TPCN2: variants seen among roughly 807,000 people sequenced by gnomAD.
TPCN2 encodes two pore segment channel 2.
A neutral mutation model predicts 111.4 loss-of-function variants in TPCN2; 92 were observed. The observed-to-expected ratio is 0.83, with a 90% CI of 0.70 to 0.98. The LOEUF is 0.98. Among genes scored for constraint, TPCN2 ranks in the 50% least tolerant of loss-of-function variants. The probability of loss-of-function intolerance (pLI) is 0.00; values close to 1 mark genes in which losing one functional copy is unlikely to be tolerated. For missense variants in TPCN2, 995 were observed against 980.1 expected (o/e 1.02, Z -0.20); for synonymous variants, 405 against 414.5 (o/e 0.98, Z 0.28).
rs528730681 is a variant in TPCN2 at position 69,061,490 on chromosome 11, G to A, written c.547-1394G>A. On this transcript the variant is annotated intron_variant, in intron 5 of 24. Transcript: ENST00000294309. ...ATTTGAGATTGACAGGCGCCAAAGT[G>A]TAAACGAGATACTCAAGGGACTGAA... is the stretch of plus-strand genomic sequence containing the variant. Among the ~76,000 whole-genome samples the A allele has an allele frequency of 1.4e-4, 21 of 152,368 alleles. No individual in the cohort carries two copies. In the South Asian group the frequency reaches 4.4e-3, roughly 32 times the overall value.
At position 69,067,434 on chromosome 11, in the gene TPCN2, C is replaced by G. The variant is rs550794974; in HGVS notation, c.727-69C>G. 147 of 1,438,532 alleles carry G rather than the reference C, an allele frequency of 1.0e-4. 1 individual carries two copies. In the South Asian group the frequency reaches 1.5e-3, roughly 15 times the overall value. 89.1% of individuals were successfully genotyped at this position (1,438,532 alleles called of 1,614,324 possible). Reference sequence around the variant, plus strand: ...GTGGATGGTTCCAGCCGGTTGGGTCCGGGGCCTGGAGCTCAGCCTGTGGGG... The same window carrying G: ...GTGGATGGTTCCAGCCGGTTGGGTCGGGGGCCTGGAGCTCAGCCTGTGGGG... On this transcript the variant is annotated intron_variant, in intron 7 of 24. Transcript: ENST00000294309.
At chr11:69,067,402 G>T (rs891580352) in intron 7 of TPCN2, 101 bp from the exon 8 acceptor site, 31 of 1,054,132 alleles carry the variant, frequency 2.9e-5, no homozygotes, top group Non-Finnish European at 4.2e-5. Context: ...TGCAGGCTGG[G>T]CGGCGGGTGG....
At chr11:69,085,397 TC>T in intron 20 of TPCN2, 111 bp downstream of exon 20, 1 of 1,116,710 alleles carries the variant, frequency 9.0e-7, no homozygotes, top group Non-Finnish European at 1.4e-6. Context: ...GAGGGTGTTC[TC>T]CCAGTTCCTT....
At chr11:69,079,506 T>A (rs1302851712) in intron 16 of TPCN2, 3 of 307,424 alleles carry the variant, frequency 9.8e-6, no homozygotes, top group Non-Finnish European at 1.8e-5. Context: ...GAGAGTGACG[T>A]TTGCTGTAGC....
chr11:69,085,432 T>A, intron 20 of TPCN2, 146 bp downstream of exon 20: 1 of 854,548 alleles, frequency 1.2e-6, no homozygotes, highest in Non-Finnish European at 1.9e-6. Context: ...CACCCCCTTT[T>A]CCCGACCCCC....
intron 1 of TPCN2, among the ~76,000 whole-genome samples, chr11:69,051,737 G>A (rs930930447): frequency 6.6e-6 from 1 of 152,220 alleles, no homozygotes; most frequent in Non-Finnish European, 1.5e-5. Flanking sequence ...AGGGCGGGGC[G>A]AGCTGTCCCA....
At chr11:69,063,227 C>T (rs973691069) in intron 6 of TPCN2, among the ~76,000 whole-genome samples, 2 of 151,712 alleles carry the variant, frequency 1.3e-5, no homozygotes, top group Non-Finnish European at 2.9e-5. Flanking sequence ...GCAAACACCG[C>T]GGCCCCAGCT....
rs560997423 is a variant in TPCN2 at position 69,084,746 on chromosome 11, C to T, written c.1762-464C>T. On this transcript the variant is annotated intron_variant, in intron 19 of 24. Coordinates refer to ENST00000294309, the MANE Select transcript of TPCN2 (RefSeq NM_139075.4). ...GCTCTGGGCTGGACCCCAGCTGTGC[C>T]TCGCGCCTCTGGAAATAGACGCTGG... 5 of 985,448 alleles carry T rather than the reference C, an allele frequency of 5.1e-6. No individual in the cohort carries two copies. In the African/African-American group the frequency reaches 8.7e-5, roughly 17 times the overall value. 61.0% of individuals were successfully genotyped at this position (985,448 alleles called of 1,614,324 possible).
chr11:69,087,284 C>A, intron 24 of TPCN2, 78 bp downstream of exon 24: 1 of 1,286,928 alleles, frequency 7.8e-7, no homozygotes, highest in South Asian at 1.2e-5. Flanking sequence ...GGGGTTGAGG[C>A]GGCGGGCAGG....
chr11:69,085,436 G>A (rs1022721185), intron 20 of TPCN2, 150 bp downstream of exon 20: 8 of 841,764 alleles, frequency 9.5e-6, no homozygotes, highest in East Asian at 7.7e-5. Flanking sequence ...CCCTTTTCCC[G>A]ACCCCCAATT....
intron 4 of TPCN2, among the ~76,000 whole-genome samples, chr11:69,056,432 T>G (rs1034799439): frequency 1.3e-5 from 2 of 152,234 alleles, no homozygotes; most frequent in African/African-American, 2.4e-5. Flanking sequence ...GGCAAGAGGT[T>G]GTCATTAGCG....
At chr11:69,053,959 T>G in intron 1 of TPCN2, 74 bp from the exon 2 acceptor site, 5 of 1,327,640 alleles carry the variant, frequency 3.8e-6, no homozygotes, top group Non-Finnish European at 5.4e-6. Context: ...GCATCTTTCC[T>G]TGATCACGGG....
At chr11:69,080,268 G>A (rs578094418) in intron 17 of TPCN2, among the ~76,000 whole-genome samples, 68 of 152,358 alleles carry the variant, frequency 4.5e-4, no homozygotes, top group African/African-American at 1.5e-3. Flanking sequence ...TCTGCTGGCG[G>A]GAAGGTCCTT....
intron 18 of TPCN2, 62 bp from the exon 19 acceptor site, chr11:69,083,883 G>T: frequency 6.6e-7 from 1 of 1,519,054 alleles, no homozygotes; most frequent in Non-Finnish European, 9.1e-7. Context: ...GTGGTGGGCC[G>T]GGATGGTGTC....
In TPCN2 at chr11:69,071,814, C is replaced by A. The variant is rs559046267; in HGVS notation, c.961-109C>A. 1.0e-3 allele frequency: 1,040 copies of A among 1,025,872 alleles called. 1 individual carries two copies. The highest frequency in any genetic ancestry group is 1.1e-3 in the Non-Finnish European group (769 of 679,188). 63.5% of individuals were successfully genotyped at this position (1,025,872 alleles called of 1,614,324 possible). Reference sequence around the variant, plus strand: ...AGGCTGTGGGGAACTGGGCCCCCCCCCAAGGCTGCCCAGACTCCCCCTCTG... The same window carrying A: ...AGGCTGTGGGGAACTGGGCCCCCCCACAAGGCTGCCCAGACTCCCCCTCTG... On this transcript the variant is annotated intron_variant, in intron 10 of 24. Transcript: ENST00000294309.
chr11:69,083,023 A>C (rs1228357843), intron 18 of TPCN2, among the ~76,000 whole-genome samples: 17 of 127,492 alleles, frequency 1.3e-4, no homozygotes, highest in Non-Finnish European at 1.9e-4. Flanking sequence ...CACACATCGC[A>C]TGCAGATATC....
chr11:69,076,777 C>G (rs1422746548), intron 13 of TPCN2, among the ~76,000 whole-genome samples: 2 of 42,512 alleles, frequency 4.7e-5, no homozygotes, highest in Non-Finnish European at 1.0e-4. Flanking sequence ...GCCCTCCTGC[C>G]GTGTCCCTCC....
At chr11:69,087,007 C>T in intron 23 of TPCN2, 105 bp from the exon 24 acceptor site, 2 of 918,974 alleles carry the variant, frequency 2.2e-6, no homozygotes, top group Non-Finnish European at 3.4e-6. Flanking sequence ...AATGGCTCAG[C>T]CCCCTCAGCG....
At chr11:69,086,979 G>A in intron 23 of TPCN2, 133 bp from the exon 24 acceptor site, 2 of 716,870 alleles carry the variant, frequency 2.8e-6, no homozygotes. Flanking sequence ...TGGGGCCTGT[G>A]CCTGGGTGTC....
Sources: gnomAD v4.1 joint callset for allele counts (sites outside exome capture counted in the v4.1 genomes callset) on GRCh38, gnomAD v4.1.1 for gene constraint, MANE v1.5 for transcripts, NCBI Gene and HGNC (gene_info 2026-07-23, HGNC 2026-07-21) for gene names.